Variants in PHLPP1 observed in about 807,000 individuals in gnomAD.
The protein encoded by PHLPP1 is PH domain leucine-rich repeat-containing protein phosphatase 1.
In PHLPP1, 42 loss-of-function variants were observed where a neutral mutation model predicts 117.2. The observed-to-expected ratio is 0.36, with a 90% CI of 0.28 to 0.46. The LOEUF is 0.46. Ranked by LOEUF, PHLPP1 falls within the 20% of genes least tolerant of loss-of-function variation. The probability of loss-of-function intolerance (pLI) is 1.00; values close to 1 mark genes in which losing one functional copy is unlikely to be tolerated. For missense variants in PHLPP1, 2,084 were observed against 2,241.9 expected, an observed-to-expected ratio of 0.93 and a Z score of 1.42; for synonymous variants, 1,042 against 970.7, an observed-to-expected ratio of 1.07 and a Z score of -1.37.
rs368066705 is a variant in PHLPP1, at chr18:62,914,922, A to G, written c.2718A>G (p.Leu906=). Residue 906 remains leucine (L), a synonymous_variant, in exon 9 of 17, where the codon TTA becomes TTG. Transcript: ENST00000262719. ...LSYMDVSRNR[L]ENVPEWVCES... Reference sequence around the variant, plus strand: ...ATGTTCTTGCATTTAGGAACCGCTTAGAAAATGTGCCTGAGTGGGTATGTG... The same window carrying G: ...ATGTTCTTGCATTTAGGAACCGCTTGGAAAATGTGCCTGAGTGGGTATGTG... 3.1e-6 allele frequency: 5 copies of G among 1,613,262 alleles called. No individual in the cohort carries two copies. The African/African-American group carries it at 5.3e-5, about 17-fold the overall frequency.
At chr18:62,831,223 A>C (rs1409505160) in intron 2 of PHLPP1, among the ~76,000 whole-genome samples, 1 of 152,210 alleles carries the variant, frequency 6.6e-6, no homozygotes, top group Non-Finnish European at 1.5e-5. Flanking sequence ...TAGCATCACC[A>C]TACTTATAGG....
intron 2 of PHLPP1, among the ~76,000 whole-genome samples, chr18:62,831,547 C>T (rs1031125068): frequency 6.6e-6 from 1 of 152,216 alleles, no homozygotes; most frequent in African/African-American, 2.4e-5. Context: ...CCATGTTAGC[C>T]AGGATGGTCT....
At chr18:62,768,578 C>T (rs1192560556) in intron 1 of PHLPP1, among the ~76,000 whole-genome samples, 1 of 152,164 alleles carries the variant, frequency 6.6e-6, no homozygotes, top group African/African-American at 2.4e-5. Flanking sequence ...TTGGAAAATT[C>T]TCTGTCCTAA....
At chr18:62,752,534 T>G (rs1911891476) in intron 1 of PHLPP1, among the ~76,000 whole-genome samples, 2 of 152,224 alleles carry the variant, frequency 1.3e-5, no homozygotes, top group South Asian at 4.1e-4. Context: ...TAGAATGATT[T>G]TGTTTTGTTT....
At chr18:62,768,176 A>G (rs370685137) in intron 1 of PHLPP1, among the ~76,000 whole-genome samples, 2 of 152,242 alleles carry the variant, frequency 1.3e-5, no homozygotes, top group African/African-American at 2.4e-5. Flanking sequence ...GAGAACTGCA[A>G]TGTAGTAGTC....
chr18:62,880,217 T>C (rs867407830), intron 4 of PHLPP1, among the ~76,000 whole-genome samples: 1 of 152,096 alleles, frequency 6.6e-6, no homozygotes, highest in Admixed American at 6.5e-5. Context: ...TTTTTTTTTT[T>C]TCCCCATTTA....
At chr18:62,760,945 G>A (rs1912204334) in intron 1 of PHLPP1, among the ~76,000 whole-genome samples, 1 of 152,054 alleles carries the variant, frequency 6.6e-6, no homozygotes, top group Admixed American at 6.6e-5. Flanking sequence ...CTGCCATCTC[G>A]ACTCTCTGAG....
intron 4 of PHLPP1, among the ~76,000 whole-genome samples, chr18:62,869,445 A>C (rs1319773352): frequency 6.6e-6 from 1 of 152,230 alleles, no homozygotes; most frequent in African/African-American, 2.4e-5. Flanking sequence ...ACCAGTACAC[A>C]TATGAGGAAG....
chr18:62,722,898 CATA>C (rs1190350633), intron 1 of PHLPP1, among the ~76,000 whole-genome samples: 3 of 152,136 alleles, frequency 2.0e-5, no homozygotes, highest in Non-Finnish European at 4.4e-5. Flanking sequence ...TTTTATCAAG[CATA>C]ATAACAGTTA....
chr18:62,898,333 A>G (rs1916621419), intron 6 of PHLPP1, among the ~76,000 whole-genome samples: 1 of 152,174 alleles, frequency 6.6e-6, no homozygotes, highest in South Asian at 2.1e-4. Flanking sequence ...TGATAGCAAC[A>G]CCACCTCATT....
chr18:62,762,908 A>G (rs564197132), intron 1 of PHLPP1, among the ~76,000 whole-genome samples: 11 of 152,340 alleles, frequency 7.2e-5, no homozygotes, highest in African/African-American at 2.6e-4. Flanking sequence ...TAATTTTACC[A>G]TAATGGTTGC....
chr18:62,777,380 T>C (rs1475229547), intron 1 of PHLPP1, among the ~76,000 whole-genome samples: 4 of 152,102 alleles, frequency 2.6e-5, no homozygotes, highest in Admixed American at 6.5e-5. Flanking sequence ...ATTTTTCTTA[T>C]TGGGTTGTTA....
At chr18:62,916,061 C>T (rs1181415949) in intron 9 of PHLPP1, among the ~76,000 whole-genome samples, 1 of 152,002 alleles carries the variant, frequency 6.6e-6, no homozygotes, top group Non-Finnish European at 1.5e-5. Context: ...GGTATGTGAT[C>T]ACCATTCCTG....
At chr18:62,768,298 G>A (rs1912622735) in intron 1 of PHLPP1, among the ~76,000 whole-genome samples, 1 of 152,118 alleles carries the variant, frequency 6.6e-6, no homozygotes, top group Non-Finnish European at 1.5e-5. Context: ...TCAGTCAGTA[G>A]TCACCTTGAG....
intron 15 of PHLPP1, among the ~76,000 whole-genome samples, chr18:62,973,385 C>A (rs1911105170): frequency 6.6e-6 from 1 of 152,216 alleles, no homozygotes; most frequent in African/African-American, 2.4e-5. Flanking sequence ...TTACCACCTT[C>A]ATGGCTTTCT....
intron 10 of PHLPP1, among the ~76,000 whole-genome samples, chr18:62,938,208 T>C (rs955782428): frequency 1.3e-5 from 2 of 152,168 alleles, no homozygotes; most frequent in African/African-American, 4.8e-5. Context: ...AGTATACTTA[T>C]TACAAAATTC....
At chr18:62,814,616 G>T (rs1180819810) in intron 1 of PHLPP1, among the ~76,000 whole-genome samples, 1 of 152,150 alleles carries the variant, frequency 6.6e-6, no homozygotes, top group African/African-American at 2.4e-5. Flanking sequence ...TCACTCATTC[G>T]ACCATTTTCA....
intron 1 of PHLPP1, among the ~76,000 whole-genome samples, chr18:62,733,499 AC>A (rs1256655112): frequency 6.6e-6 from 1 of 152,244 alleles, no homozygotes; most frequent in African/African-American, 2.4e-5. Context: ...GTGGTCTGGA[AC>A]TGAACCTGCA....
intron 1 of PHLPP1, among the ~76,000 whole-genome samples, chr18:62,738,607 A>G (rs1911435544): frequency 6.6e-6 from 1 of 152,198 alleles, no homozygotes; most frequent in African/African-American, 2.4e-5. Context: ...TACCACTTGG[A>G]TAGCAAGGGA....
Sources: gnomAD v4.1 joint callset for allele counts (sites outside exome capture counted in the v4.1 genomes callset) on GRCh38, gnomAD v4.1.1 for gene constraint, MANE v1.5 for transcripts, NCBI Gene and HGNC (gene_info 2026-07-23, HGNC 2026-07-21) for gene names.